The following CDK11B variants were observed in gnomAD, a reference collection of about 807,000 sequenced individuals.
CDK11B encodes cyclin dependent kinase 11B.
Under a neutral mutation model 84.0 loss-of-function variants are expected in CDK11B, and 37 were observed. The ratio of observed to expected loss-of-function variants is 0.44; its 90% CI spans 0.34 to 0.58. CDK11B has a LOEUF of 0.58. CDK11B is among the 20% of genes least tolerant of loss of function. CDK11B has a pLI of 0.02. For synonymous variants in CDK11B, 269 were observed against 309.8 expected (o/e 0.87, Z 1.38); for missense variants, 427 against 834.0 (o/e 0.51, Z 6.01).
At chr1:1,638,937 ATTTTTTT>A (rs70937162) in intron 11 of CDK11B, among the ~76,000 whole-genome samples, 1 of 119,436 alleles carries the variant, frequency 8.4e-6, no homozygotes, top group Non-Finnish European at 1.7e-5. Flanking sequence ...TCTGTTTTCT[ATTTTTTT>A]TTTTTTTTTT....
intron 3 of CDK11B, chr1:1,654,193 G>A (rs762400589): frequency 3.1e-5 from 14 of 458,530 alleles, no homozygotes; most frequent in South Asian, 2.0e-4. Context: ...TGACGTATAC[G>A]AGCTAGATAT....
chr1:1,649,696 C>G (rs1167352048), intron 4 of CDK11B, 59 bp from the exon 5 acceptor site: 7 of 1,566,872 alleles, frequency 4.5e-6, no homozygotes, highest in Middle Eastern at 1.7e-4. Flanking sequence ...CACATGAAGC[C>G]GGGCACGGAG....
intron 3 of CDK11B, among the ~76,000 whole-genome samples, chr1:1,653,862 A>ACACC (rs1491423617): frequency 5.2e-4 from 74 of 143,612 alleles, no homozygotes; most frequent in Non-Finnish European, 9.8e-4. Context: ...ACACACACAC[A>ACACC]CCCGAGCGTG....
chr1:1,641,226 A>G (rs1640244013), intron 9 of CDK11B, 113 bp from the exon 10 acceptor site: 3 of 1,550,570 alleles, frequency 1.9e-6, no homozygotes, highest in Admixed American at 1.9e-5. Context: ...ATGGATATGC[A>G]GGCCGGGCGC....
In CDK11B at chr1:1,637,014, C is replaced by T. The variant is rs778861428; in HGVS notation, c.1693-10G>A. ...GCCCGAAGTCACCCACCTGCAACGA[C>T]AGATGGGCGGCTGTGAGTGGGCCCC... On this transcript the variant is annotated splice_polypyrimidine_tract_variant and intron_variant, in intron 15 of 19. Transcript: ENST00000341832. 4.3e-6 allele frequency: 7 copies of T among 1,612,796 alleles called. No individual in the cohort carries two copies. The highest frequency in any genetic ancestry group is 5.9e-6 in the Non-Finnish European group (7 of 1,179,508).
intron 11 of CDK11B, among the ~76,000 whole-genome samples, chr1:1,638,928 C>CT (rs1359434136): frequency 3.3e-5 from 5 of 149,506 alleles, no homozygotes; most frequent in Admixed American, 6.7e-5. Flanking sequence ...TAGCAACACT[C>CT]TGTTTTCTAT....
At chr1:1,649,932 C>T (rs1205308242) in intron 4 of CDK11B, among the ~76,000 whole-genome samples, 49,088 of 144,894 alleles carry the variant, frequency 0.34, 10,576 homozygotes, top group Non-Finnish European at 0.48. Context: ...GCCGAGATCA[C>T]GCCACTGCAC....
chr1:1,645,769 T>G (rs540640547), intron 5 of CDK11B: 8 of 338,452 alleles, frequency 2.4e-5, no homozygotes, highest in South Asian at 1.7e-4. Flanking sequence ...TTAGATGCAT[T>G]CACACGTATC....
Position 1,636,893 on chromosome 1 carries a change from T to G in CDK11B, c.1800+4A>C, listed in dbSNP as rs191114998. 964 of 1,607,906 alleles carry G rather than the reference T, an allele frequency of 6.0e-4. 2 individuals are homozygous for G. In the African/African-American group the frequency reaches 0.012, roughly 19 times the overall value. ...GGGGAGGCACTCAGACGCCCAGGACTCACCTTGGCACCAAGCAGCAGCTCT... is the reference window on the plus strand; with the variant it reads ...GGGGAGGCACTCAGACGCCCAGGACGCACCTTGGCACCAAGCAGCAGCTCT... On this transcript the variant is annotated splice_donor_region_variant and intron_variant, in intron 16 of 19. Coordinates refer to ENST00000341832, the MANE Select transcript of CDK11B (RefSeq NM_033486.3).
In CDK11B at chr1:1,636,334, T is replaced by G; in HGVS notation, c.2065A>C (p.Lys689Gln). 1 of 1,568,348 alleles carries G rather than the reference T, an allele frequency of 6.4e-7. No homozygotes were observed. The highest frequency in any genetic ancestry group is 8.6e-7 in the Non-Finnish European group (1 of 1,157,308). ...LSDQGFDLMN[K>Q]FLTYFPGRRI... ...GCCACCCGGCTGCACTGGGCTCACT[T>G]GTTCATGAGGTCGAAGCCCTGGTCT... Residue 689 changes from lysine (K) to glutamine (Q), a missense_variant and splice_region_variant, in exon 18 of 20, where the codon AAG becomes CAG. Transcript: ENST00000341832.
chr1:1,637,009 A>G lies in CDK11B; in HGVS notation c.1693-5T>C, dbSNP rs766701325. 1 of 1,612,884 alleles carries G rather than the reference A, an allele frequency of 6.2e-7. No individual in the cohort carries two copies. Among genetic ancestry groups the G allele is most frequent in the Non-Finnish European group, 8.5e-7 (1 of 1,179,438 alleles). ...CGCCAGCCCGAAGTCACCCACCTGC[A>G]ACGACAGATGGGCGGCTGTGAGTGG... On this transcript the variant is annotated splice_region_variant and splice_polypyrimidine_tract_variant and intron_variant, in intron 15 of 19. Transcript: ENST00000341832.
Position 1,637,111 on chromosome 1 carries a change from G to A in CDK11B, c.1662C>T (p.Asn554=). ...GGATGCCGGCGTGGCTCAGCAGCAG[G>A]TTGGACGTCTTGAGGTCACGGTGCA... The part of the protein sequence containing the change: ...WILHRDLKTS[N]LLLSHAGILK... Residue 554 remains asparagine, a synonymous_variant, in exon 15 of 20, where the codon AAC becomes AAT. Transcript: ENST00000341832. 1 of 1,613,748 alleles carries A rather than the reference G, an allele frequency of 6.2e-7. No homozygotes were observed. The highest frequency in any genetic ancestry group is 1.1e-5 in the South Asian group (1 of 91,076).
At chr1:1,636,850 G>A (rs771931275) in intron 16 of CDK11B, 47 bp downstream of exon 16, 27 of 1,612,676 alleles carry the variant, frequency 1.7e-5, no homozygotes, top group Non-Finnish European at 1.9e-5. Context: ...GAAGCTGTGG[G>A]AGGCTGCGTG....
At chr1:1,657,648 T>C (rs1570265645) in intron 1 of CDK11B, 150 bp from the exon 2 acceptor site, 1 of 656,720 alleles carries the variant, frequency 1.5e-6, no homozygotes, top group African/African-American at 2.1e-5. Context: ...ACGGTAACCC[T>C]AGCACTTTGG....
intron 4 of CDK11B, among the ~76,000 whole-genome samples, chr1:1,650,870 AAAG>A: frequency 6.6e-6 from 1 of 152,140 alleles, no homozygotes; most frequent in Non-Finnish European, 1.5e-5. Context: ...AATTATGAAG[AAAG>A]AAGAAAAAAG....
intron 5 of CDK11B, among the ~76,000 whole-genome samples, chr1:1,648,267 C>G (rs1392809308): frequency 6.6e-6 from 1 of 152,108 alleles, no homozygotes; most frequent in African/African-American, 2.4e-5. Context: ...CTACCAACCT[C>G]CACTTCTATC....
chr1:1,646,432 A>G, intron 5 of CDK11B: 1 of 520,022 alleles, frequency 1.9e-6, no homozygotes, highest in South Asian at 1.4e-5. Context: ...GTCCAGTACA[A>G]TATAAAACTG....
intron 1 of CDK11B, among the ~76,000 whole-genome samples, chr1:1,658,060 G>C (rs1328700649): frequency 4.0e-5 from 6 of 148,254 alleles, no homozygotes; most frequent in African/African-American, 1.5e-4. Flanking sequence ...TGTAATCCCA[G>C]CTACTCGGGA....
chr1:1,641,229 C>A, intron 9 of CDK11B, 116 bp from the exon 10 acceptor site: 2 of 1,542,674 alleles, frequency 1.3e-6, no homozygotes, highest in Non-Finnish European at 1.8e-6. Context: ...GATATGCAGG[C>A]CGGGCGCGGT....
Sources: gnomAD v4.1 joint callset for allele counts (sites outside exome capture counted in the v4.1 genomes callset) on GRCh38, gnomAD v4.1.1 for gene constraint, MANE v1.5 for transcripts, NCBI Gene and HGNC (gene_info 2026-07-23, HGNC 2026-07-21) for gene names.